NDST3: variants seen among roughly 807,000 people sequenced by gnomAD.
The protein encoded by NDST3 is N-deacetylase and N-sulfotransferase 3.
A neutral mutation model predicts 96.1 loss-of-function variants in NDST3; 58 were observed. That is an observed-to-expected ratio of 0.60 (90% CI 0.49 to 0.75). The LOEUF (loss-of-function observed/expected upper bound fraction) is 0.75, where lower values mean the gene tolerates loss of function less well. Among genes scored for constraint, NDST3 ranks in the 30% least tolerant of loss-of-function variants. The pLI is 0.00. For missense variants in NDST3, 788 were observed against 1,034.2 expected, an observed-to-expected ratio of 0.76 and a Z score of 3.27; for synonymous variants, 333 against 359.7, an observed-to-expected ratio of 0.93 and a Z score of 0.84.
Position 118,143,702 on chromosome 4 carries a change from C to A in NDST3, c.1539+18C>A. 1 of 1,562,442 alleles carries A rather than the reference C, an allele frequency of 6.4e-7. No individual in the cohort carries two copies. ...TCAACCCTGTAAGTACTTTATTCTCCAAATAAATAGTGAAAAATGATAGGG... is the reference window on the plus strand; with the variant it reads ...TCAACCCTGTAAGTACTTTATTCTCAAAATAAATAGTGAAAAATGATAGGG... On this transcript the variant is annotated intron_variant, in intron 6 of 13. Transcript: ENST00000296499.
intron 6 of NDST3, among the ~76,000 whole-genome samples, chr4:118,200,231 T>C (rs1459741879): frequency 6.6e-6 from 1 of 152,178 alleles, no homozygotes; most frequent in Non-Finnish European, 1.5e-5. Context: ...TGGTGTTCTA[T>C]TGTACTGTGG....
At chr4:118,077,636 G>A (rs1727656520) in intron 2 of NDST3, among the ~76,000 whole-genome samples, 1 of 152,184 alleles carries the variant, frequency 6.6e-6, no homozygotes, top group South Asian at 2.1e-4. Context: ...TGCCCAGCTG[G>A]CCCTTCGGAG....
At chr4:118,134,016 C>G (rs1369667317) in intron 4 of NDST3, among the ~76,000 whole-genome samples, 2 of 152,084 alleles carry the variant, frequency 1.3e-5, no homozygotes, top group Non-Finnish European at 2.9e-5. Context: ...TATGAAAAAC[C>G]AAGGAAAGCT....
chr4:118,139,399 A>G (rs13434652), intron 5 of NDST3, among the ~76,000 whole-genome samples: 6,954 of 152,302 alleles, frequency 0.046, 269 homozygotes, highest in African/African-American at 0.11. Flanking sequence ...GTCCCTGTGG[A>G]TCTGCTTTTG....
At chr4:118,105,183 C>T in intron 3 of NDST3, 78 bp downstream of exon 3, 2 of 989,888 alleles carry the variant, frequency 2.0e-6, no homozygotes, top group Non-Finnish European at 3.2e-6. Flanking sequence ...TTCCTGCCCA[C>T]ACTGTCCTAC....
chr4:118,137,176 GA>G (rs1733173398), intron 4 of NDST3, among the ~76,000 whole-genome samples: 1 of 152,072 alleles, frequency 6.6e-6, no homozygotes, highest in Non-Finnish European at 1.5e-5. Context: ...TAATTTAAAA[GA>G]ACCTATTTGA....
intron 8 of NDST3, 44 bp from the exon 9 acceptor site, chr4:118,232,968 G>A: frequency 6.4e-7 from 1 of 1,570,580 alleles, no homozygotes; most frequent in Non-Finnish European, 8.7e-7. Flanking sequence ...ATAGGAAATT[G>A]TGTTTTCATT....
intron 6 of NDST3, among the ~76,000 whole-genome samples, chr4:118,183,150 T>C (rs1736710600): frequency 6.6e-6 from 1 of 152,170 alleles, no homozygotes; most frequent in Non-Finnish European, 1.5e-5. Context: ...CAGACGACAC[T>C]ACAGGCAGAG....
chr4:118,084,667 A>G (rs1728278761), intron 2 of NDST3, among the ~76,000 whole-genome samples: 1 of 152,236 alleles, frequency 6.6e-6, no homozygotes, highest in Admixed American at 6.5e-5. Context: ...ATCCTCATTC[A>G]GGAAAGTGAA....
At position 118,249,731 on chromosome 4, in the gene NDST3, T is replaced by TACACACACACACACAC. The variant is rs60479821; in HGVS notation, c.2400-3752_2400-3737dup. On this transcript the variant is annotated intron_variant, in intron 12 of 13. Transcript: ENST00000296499. ...ACTACATATAGACTACAGCCCCACA[T>TACACACACACACACAC]ACACACACACACACACACACACACA... is the stretch of plus-strand genomic sequence containing the variant. Among the ~76,000 whole-genome samples the TACACACACACACACAC allele has an allele frequency of 2.1e-3, 309 of 145,596 alleles. 1 individual carries two copies. Among genetic ancestry groups the TACACACACACACACAC allele is most frequent in the African/African-American group, 5.5e-3 (220 of 39,716 alleles).
intron 2 of NDST3, among the ~76,000 whole-genome samples, chr4:118,076,539 C>T (rs575178385): frequency 1.3e-4 from 20 of 152,122 alleles, no homozygotes; most frequent in Non-Finnish European, 2.8e-4. Context: ...ATTAGGAAAA[C>T]CAGTCTTTGA....
At chr4:118,225,844 C>T (rs370898612) in intron 7 of NDST3, among the ~76,000 whole-genome samples, 4 of 152,116 alleles carry the variant, frequency 2.6e-5, no homozygotes, top group African/African-American at 9.7e-5. Flanking sequence ...ATTACTTTTC[C>T]GTTGTTTTAA....
intron 1 of NDST3, among the ~76,000 whole-genome samples, chr4:118,035,632 G>A (rs996486558): frequency 8.6e-5 from 13 of 151,822 alleles, no homozygotes; most frequent in Non-Finnish European, 1.6e-4. Context: ...TCAAATATAA[G>A]TTTGAAGGAG....
At chr4:118,085,920 T>C (rs1012901921) in intron 2 of NDST3, among the ~76,000 whole-genome samples, 3 of 152,364 alleles carry the variant, frequency 2.0e-5, no homozygotes, top group African/African-American at 4.8e-5. Flanking sequence ...TCAGCCATTA[T>C]GGGCTGCTGC....
In NDST3 at chr4:118,257,003, G is replaced by A. The variant is rs916915722; in HGVS notation, c.*1291G>A. 1 of 152,132 alleles carries A rather than the reference G, an allele frequency of 6.6e-6. No homozygotes were observed. Among genetic ancestry groups the A allele is most frequent in the Non-Finnish European group, 1.5e-5 (1 of 68,024 alleles). 9.4% of individuals were successfully genotyped at this position (152,132 alleles called of 1,614,324 possible). On this transcript the variant is annotated 3_prime_UTR_variant, in exon 14 of 14. Transcript: ENST00000296499. ...TTAAGGATTAGCTACTAAATTAAAT[G>A]CAGGAAGTACAAAGATGAGCAAGTC...
chr4:118,240,402 T>A lies in NDST3; in HGVS notation c.2119-122T>A, dbSNP rs74613179. ...TTTTCTTCCTTTACTAATTTCAAAA[T>A]AGATAACTCTCCAGCAGTGAGGCAC... On this transcript the variant is annotated intron_variant, in intron 10 of 13. Transcript: ENST00000296499. 1.5e-3 allele frequency: 1,109 copies of A among 720,032 alleles called. 16 individuals are homozygous for A. The African/African-American group carries it at 0.018, about 12-fold the overall frequency. 44.6% of individuals were successfully genotyped at this position (720,032 alleles called of 1,614,324 possible). A position where few individuals can be genotyped will look rare whatever the true frequency, so the allele number is the denominator to read the frequency against.
At chr4:118,188,148 G>A (rs1737086506) in intron 6 of NDST3, among the ~76,000 whole-genome samples, 1 of 151,816 alleles carries the variant, frequency 6.6e-6, no homozygotes, top group Non-Finnish European at 1.5e-5. Flanking sequence ...ATGTTTAAAT[G>A]GCCCATCAGG....
At chr4:118,251,233 T>C (rs1741711700) in intron 12 of NDST3, among the ~76,000 whole-genome samples, 1 of 150,364 alleles carries the variant, frequency 6.7e-6, no homozygotes, top group Admixed American at 6.6e-5. Context: ...TTCACGCCAT[T>C]CTCCTGCCTC....
At chr4:118,254,013 G>T (rs952346416) in intron 13 of NDST3, among the ~76,000 whole-genome samples, 4 of 152,126 alleles carry the variant, frequency 2.6e-5, no homozygotes, top group African/African-American at 9.7e-5. Flanking sequence ...GGCCGACGTG[G>T]GTGGATCACT....
Sources: allele counts gnomAD v4.1 joint callset (sites outside exome capture counted in the v4.1 genomes callset), GRCh38; gene constraint gnomAD v4.1.1; transcripts MANE v1.5; gene names NCBI Gene and HGNC (gene_info 2026-07-23, HGNC 2026-07-21).